SHISA6: variants seen among roughly 807,000 people sequenced by gnomAD.
SHISA6 encodes the protein protein shisa-6.
SHISA6 carries 22 observed loss-of-function variants against 47.9 expected under a neutral mutation model. The observed-to-expected ratio is 0.46, with a 90% CI of 0.33 to 0.66. SHISA6 has a LOEUF of 0.66. SHISA6 is among the 30% of genes least tolerant of loss of function. SHISA6 has a pLI of 0.02. For synonymous variants in SHISA6, 388 were observed against 337.8 expected (o/e 1.15, Z -1.63); for missense variants, 680 against 764.6 (o/e 0.89, Z 1.30).
chr17:11,275,093 C>G lies in SHISA6; in HGVS notation c.799+11567C>G, dbSNP rs554566712. ...GTGATTAAAGATTTGGGACAACAGC[C>G]AGGAAGGAACTGGAACTCTGTGTTC... On this transcript the variant is annotated intron_variant, in intron 2 of 5. Coordinates refer to ENST00000441885, the MANE Select transcript of SHISA6 (RefSeq NM_207386.4). Among the ~76,000 whole-genome samples, 3 of 151,918 alleles carry G rather than the reference C, an allele frequency of 2.0e-5. No homozygotes were observed. The East Asian group carries it at 5.8e-4, about 29-fold the overall frequency.
intron 5 of SHISA6, 122 bp from the exon 6 acceptor site, chr17:11,557,632 G>C (rs1456132281): frequency 1.0e-6 from 1 of 954,340 alleles, no homozygotes; most frequent in Non-Finnish European, 1.5e-6. Context: ...AAAGGAGTTT[G>C]ACTGTATTAT....
At chr17:11,519,945 G>A (rs1329719783) in intron 3 of SHISA6, among the ~76,000 whole-genome samples, 2 of 152,050 alleles carry the variant, frequency 1.3e-5, no homozygotes, top group African/African-American at 2.4e-5. Flanking sequence ...GCTCTCCTCT[G>A]TCATTGGCCC....
rs2072027389 is a variant in SHISA6, at chr17:11,560,094, C to A, written c.*1790C>A. On this transcript the variant is annotated 3_prime_UTR_variant, in exon 6 of 6. Transcript: ENST00000441885. ...AGAAGGAGAATTTATTGGTGTCAGC[C>A]CTGGAGATTTTTAATCTAACCAAGT... 1.3e-5 allele frequency: 2 copies of A among 152,172 alleles called. No homozygotes were observed. Among genetic ancestry groups the A allele is most frequent in the African/African-American group, 4.8e-5 (2 of 41,424 alleles). 9.4% of individuals were successfully genotyped at this position (152,172 alleles called of 1,614,324 possible).
intron 3 of SHISA6, among the ~76,000 whole-genome samples, chr17:11,508,886 A>G (rs573125679): frequency 8.5e-6 from 1 of 117,550 alleles, no homozygotes; most frequent in South Asian, 3.0e-4. Context: ...GACAGATGCA[A>G]GTTGTGATGG....
intron 3 of SHISA6, among the ~76,000 whole-genome samples, chr17:11,444,534 G>A (rs1915182651): frequency 6.6e-6 from 1 of 151,920 alleles, no homozygotes; most frequent in African/African-American, 2.4e-5. Flanking sequence ...ACTCACCAGG[G>A]GTCAGAGGGA....
In SHISA6 at chr17:11,242,091, C is replaced by T. The variant is rs899449854; in HGVS notation, c.638+31C>T. On this transcript the variant is annotated intron_variant, in intron 1 of 5. Coordinates refer to ENST00000441885, the MANE Select transcript of SHISA6 (RefSeq NM_207386.4). ...AGCGCCGCGTGCCGCGCGCCCCGGT[C>T]TCCCCGCGGCCTCACCCTCTCAGCT... is the stretch of plus-strand genomic sequence containing the variant. 3.2e-6 allele frequency: 5 copies of T among 1,547,814 alleles called. No homozygotes were observed. In the Admixed American group the frequency reaches 5.9e-5, roughly 18 times the overall value.
intron 2 of SHISA6, among the ~76,000 whole-genome samples, chr17:11,375,124 G>A (rs1187227799): frequency 6.6e-6 from 1 of 151,974 alleles, no homozygotes; most frequent in Non-Finnish European, 1.5e-5. Context: ...TCTAGATATC[G>A]GTCCCTTTTA....
In SHISA6 at chr17:11,426,948, G is replaced by A. The variant is rs150139355; in HGVS notation, c.895+47439G>A. Among the ~76,000 whole-genome samples the A allele has an allele frequency of 5.1e-3, 782 of 152,050 alleles. 9 individuals carry two copies. The highest frequency in any genetic ancestry group is 0.018 in the African/African-American group (756 of 41,434). ...CAGAAAACAACAATAACAACATCAC[G>A]TTGCCATCCTGTCTCCACCCCTGTA... On this transcript the variant is annotated intron_variant, in intron 3 of 5. Transcript: ENST00000441885.
intron 3 of SHISA6, among the ~76,000 whole-genome samples, chr17:11,519,747 T>G (rs1426599993): frequency 6.6e-6 from 1 of 152,126 alleles, no homozygotes; most frequent in Non-Finnish European, 1.5e-5. Context: ...ACCAGTCTGG[T>G]TTCCACCTCC....
chr17:11,374,733 G>A (rs978556504), intron 2 of SHISA6, among the ~76,000 whole-genome samples: 2 of 151,900 alleles, frequency 1.3e-5, no homozygotes, highest in African/African-American at 4.8e-5. Context: ...AATAGTAATA[G>A]TACTAGCACT....
At chr17:11,294,006 C>T (rs894590571) in intron 2 of SHISA6, among the ~76,000 whole-genome samples, 1 of 152,126 alleles carries the variant, frequency 6.6e-6, no homozygotes, top group African/African-American at 2.4e-5. Context: ...CTGCCTCAGC[C>T]TCCCGAGTAG....
Position 11,272,380 on chromosome 17 carries a change from G to A in SHISA6, c.799+8854G>A, listed in dbSNP as rs574984342. Among the ~76,000 whole-genome samples the A allele has an allele frequency of 4.6e-5, 7 of 152,236 alleles. No individual in the cohort carries two copies. The East Asian group carries it at 9.7e-4, about 21-fold the overall frequency. On this transcript the variant is annotated intron_variant, in intron 2 of 5. Coordinates refer to ENST00000441885, the MANE Select transcript of SHISA6 (RefSeq NM_207386.4). ...CACTTCCCTGGCTCCCTGCCCGGGG[G>A]CCTTTCTCCACTGGTCCTTGGTGGC...
chr17:11,437,915 T>C (rs1347739319), intron 3 of SHISA6, among the ~76,000 whole-genome samples: 1 of 152,072 alleles, frequency 6.6e-6, no homozygotes, highest in African/African-American at 2.4e-5. Context: ...CTGATGAAGG[T>C]GGGGCTGGTG....
chr17:11,425,010 A>C (rs966238989), intron 3 of SHISA6, among the ~76,000 whole-genome samples: 2 of 150,902 alleles, frequency 1.3e-5, no homozygotes, highest in Non-Finnish European at 3.0e-5. Flanking sequence ...CCGTCTCAAA[A>C]AAAAAAAAAA....
chr17:11,464,316 A>G (rs529493642), intron 3 of SHISA6, among the ~76,000 whole-genome samples: 25 of 152,306 alleles, frequency 1.6e-4, no homozygotes, highest in African/African-American at 5.8e-4. Context: ...GCATCATAAA[A>G]TTGGCTCAAT....
chr17:11,380,657 C>T (rs1009061174), intron 3 of SHISA6, among the ~76,000 whole-genome samples: 1 of 152,210 alleles, frequency 6.6e-6, no homozygotes, highest in Non-Finnish European at 1.5e-5. Context: ...AATTTACTCT[C>T]AAACTTAGCG....
At chr17:11,412,084 A>C (rs2142273474) in intron 3 of SHISA6, among the ~76,000 whole-genome samples, 1 of 152,312 alleles carries the variant, frequency 6.6e-6, no homozygotes. Context: ...ATTAATGGCA[A>C]GTTGTAGTGT....
At chr17:11,255,604 A>G (rs1907977330) in intron 1 of SHISA6, among the ~76,000 whole-genome samples, 1 of 152,202 alleles carries the variant, frequency 6.6e-6, no homozygotes. Context: ...TTTGGCTGTC[A>G]AAGTCCAAGT....
chr17:11,371,911 TA>T, intron 2 of SHISA6, among the ~76,000 whole-genome samples: 1 of 152,314 alleles, frequency 6.6e-6, no homozygotes, highest in Middle Eastern at 3.4e-3. Context: ...AAGAAAGTTT[TA>T]ATAGATTGTG....
Sources: allele counts gnomAD v4.1 joint callset (sites outside exome capture counted in the v4.1 genomes callset), GRCh38; gene constraint gnomAD v4.1.1; transcripts MANE v1.5; gene names NCBI Gene and HGNC (gene_info 2026-07-23, HGNC 2026-07-21).